The following PTPN12 variants were observed in gnomAD, a reference collection of about 807,000 sequenced individuals.
PTPN12 encodes protein tyrosine phosphatase non-receptor type 12.
A neutral mutation model predicts 97.6 loss-of-function variants in PTPN12; 29 were observed. The observed-to-expected ratio is 0.30, with a 90% CI of 0.22 to 0.41. The LOEUF (loss-of-function observed/expected upper bound fraction) is 0.41. Ranked by LOEUF, PTPN12 falls within the 10% of genes least tolerant of loss-of-function variation. The probability of loss-of-function intolerance (pLI) is 1.00; values close to 1 mark genes in which losing one functional copy is unlikely to be tolerated. For synonymous variants in PTPN12, 327 were observed against 300.4 expected, an observed-to-expected ratio of 1.09 and a Z score of -0.91; for missense variants, 819 against 926.0, an observed-to-expected ratio of 0.88 and a Z score of 1.50.
chr7:77,538,868 G>A (rs1806811110), intron 1 of PTPN12: 1 of 152,174 alleles, frequency 6.6e-6, no homozygotes, highest in Admixed American at 6.5e-5. Context: ...AATGAAAAAG[G>A]AAGTGGGACT....
At chr7:77,614,519 A>G (rs952064027) in intron 11 of PTPN12, among the ~76,000 whole-genome samples, 2 of 152,242 alleles carry the variant, frequency 1.3e-5, no homozygotes, top group Non-Finnish European at 2.9e-5. Context: ...CATAGTAGAC[A>G]TAAACTAAAT....
chr7:77,586,638 T>C (rs1462145138), intron 5 of PTPN12, among the ~76,000 whole-genome samples: 1 of 152,210 alleles, frequency 6.6e-6, no homozygotes, highest in Non-Finnish European at 1.5e-5. Flanking sequence ...CTTCCTTTCA[T>C]GAAAGATTGC....
In PTPN12 at chr7:77,637,944, AATTTTTTTTTTTTT is replaced by A. The variant is rs1396184162; in HGVS notation, c.2174-679_2174-666del. Among the ~76,000 whole-genome samples the A allele has an allele frequency of 1.4e-3, 129 of 89,502 alleles. 4 individuals carry two copies. The highest frequency in any genetic ancestry group is 6.0e-3 in the African/African-American group (123 of 20,586). The allele number at this position is 89,502 out of a possible 152,430, so 58.7% of individuals were successfully genotyped here. On this transcript the variant is annotated intron_variant, in intron 16 of 17. Coordinates refer to ENST00000248594, the MANE Select transcript of PTPN12 (RefSeq NM_002835.4). ...AACCCTGACCTTGTTGATTTCTTAA[AATTTTTTTTTTTTT>A]TTTTTTTTTTTTTTTTGAGACAGAG... is the stretch of plus-strand genomic sequence containing the variant.
At chr7:77,565,926 A>G (rs751670411) in intron 1 of PTPN12, among the ~76,000 whole-genome samples, 5 of 152,216 alleles carry the variant, frequency 3.3e-5, no homozygotes, top group Admixed American at 6.5e-5. Context: ...AAGATAGTCT[A>G]ATCTCTGCCT....
intron 1 of PTPN12, among the ~76,000 whole-genome samples, chr7:77,541,646 T>C (rs552426937): frequency 6.6e-6 from 1 of 152,342 alleles, no homozygotes; most frequent in African/African-American, 2.4e-5. Flanking sequence ...CATATTATAA[T>C]TTTCTTGATC....
intron 15 of PTPN12, 107 bp from the exon 16 acceptor site, chr7:77,636,911 T>C: frequency 1.3e-6 from 1 of 745,858 alleles, no homozygotes; most frequent in South Asian, 1.9e-5. Flanking sequence ...ATGCTGAAAA[T>C]GATAGGCCTT....
chr7:77,562,305 T>A (rs1211053495), intron 1 of PTPN12, among the ~76,000 whole-genome samples: 1 of 152,146 alleles, frequency 6.6e-6, no homozygotes, highest in African/African-American at 2.4e-5. Flanking sequence ...TCCACCCACC[T>A]CGGCCCCAAA....
intron 2 of PTPN12, 126 bp from the exon 3 acceptor site, chr7:77,581,301 G>T: frequency 2.0e-6 from 1 of 508,166 alleles, no homozygotes; most frequent in Non-Finnish European, 3.4e-6. Flanking sequence ...CTGGTACCTA[G>T]AGTCCATTTT....
At chr7:77,573,709 ACTTT>A (rs1423376190) in intron 2 of PTPN12, among the ~76,000 whole-genome samples, 1 of 152,178 alleles carries the variant, frequency 6.6e-6, no homozygotes, top group East Asian at 1.9e-4. Flanking sequence ...TAGCCTGTCC[ACTTT>A]CTTTTTCTGT....
chr7:77,591,371 A>G (rs916687772), intron 5 of PTPN12, among the ~76,000 whole-genome samples: 1 of 152,224 alleles, frequency 6.6e-6, no homozygotes, highest in Non-Finnish European at 1.5e-5. Flanking sequence ...ATTTCTTAAT[A>G]CCTGAATCAT....
chr7:77,589,309 G>A (rs1046474828), intron 5 of PTPN12, among the ~76,000 whole-genome samples: 3 of 151,942 alleles, frequency 2.0e-5, no homozygotes, highest in South Asian at 2.1e-4. Context: ...ATGCTATGTC[G>A]AAGTAAAATT....
intron 11 of PTPN12, among the ~76,000 whole-genome samples, chr7:77,613,841 G>A (rs1788658509): frequency 6.6e-6 from 1 of 151,982 alleles, no homozygotes; most frequent in Non-Finnish European, 1.5e-5. Context: ...GCCTCCCAAA[G>A]TGCAGGAATT....
intron 7 of PTPN12, among the ~76,000 whole-genome samples, chr7:77,599,324 T>TTTC (rs1391836682): frequency 6.6e-6 from 1 of 150,628 alleles, no homozygotes; most frequent in African/African-American, 2.4e-5. Flanking sequence ...CGACTTTTTT[T>TTTC]TTTTTTTTTT....
Position 77,639,244 on chromosome 7 carries a change from C to T in PTPN12, c.2307C>T (p.Pro769=), listed in dbSNP as rs1263387822. 3.7e-6 allele frequency: 6 copies of T among 1,612,470 alleles called. No individual in the cohort carries two copies. In the African/African-American group the frequency reaches 8.0e-5, roughly 22 times the overall value. The change falls in exon 18 of 18, where the codon CCC becomes CCT. Residue 769 remains proline (P), a synonymous_variant. Coordinates refer to ENST00000248594, the MANE Select transcript of PTPN12 (RefSeq NM_002835.4). ...DIGFGNRCGK[P]KGPRDPPSEW... ...GTTTTGGTAATCGATGTGGAAAACC[C>T]AAAGGACCAAGAGATCCACCTTCAG... is the stretch of plus-strand genomic sequence containing the variant.
At chr7:77,588,202 C>A (rs58941835) in intron 5 of PTPN12, among the ~76,000 whole-genome samples, 2 of 152,100 alleles carry the variant, frequency 1.3e-5, no homozygotes, top group Non-Finnish European at 2.9e-5. Flanking sequence ...TTTCAACATG[C>A]CTTCTTTACT....
intron 13 of PTPN12, 49 bp downstream of exon 13, chr7:77,627,724 A>G: frequency 6.8e-6 from 10 of 1,465,738 alleles, no homozygotes; most frequent in Non-Finnish European, 9.0e-6. Context: ...TGTGCTAGTC[A>G]CTGTTTTAAG....
At chr7:77,596,843 CTT>C (rs1161970920) in intron 6 of PTPN12, among the ~76,000 whole-genome samples, 1 of 152,186 alleles carries the variant, frequency 6.6e-6, no homozygotes, top group Non-Finnish European at 1.5e-5. Flanking sequence ...AGAGCAGTCT[CTT>C]TGTTACAATT....
intron 1 of PTPN12, among the ~76,000 whole-genome samples, chr7:77,543,825 T>G (rs911571189): frequency 6.6e-6 from 1 of 152,234 alleles, no homozygotes; most frequent in South Asian, 2.1e-4. Context: ...TCATCCATGT[T>G]ATAGTATTGA....
At chr7:77,556,753 C>T (rs914140358) in intron 1 of PTPN12, among the ~76,000 whole-genome samples, 1 of 151,976 alleles carries the variant, frequency 6.6e-6, no homozygotes, top group Non-Finnish European at 1.5e-5. Context: ...TCACTTGAAC[C>T]CGGGAGGTGG....
Sources: allele counts gnomAD v4.1 joint callset (sites outside exome capture counted in the v4.1 genomes callset), GRCh38; gene constraint gnomAD v4.1.1; transcripts MANE v1.5; gene names NCBI Gene and HGNC (gene_info 2026-07-23, HGNC 2026-07-21).